Variants in DRC11 observed in about 807,000 individuals in gnomAD.
DRC11 encodes dynein regulatory complex subunit 11, also known as IQ and AAA domain-containing protein 1.
At chr2:236,410,367 T>C in the DRC11 span, among the ~76,000 whole-genome samples, 3 of 152,176 alleles carry the variant, frequency 2.0e-5, no homozygotes, top group South Asian at 2.1e-4. Flanking sequence ...AATTTATCCA[T>C]TTCAACCACT....
chr2:236,324,874 AG>A, the DRC11 span: 1 of 899,814 alleles, frequency 1.1e-6, no homozygotes, highest in Non-Finnish European at 1.8e-6. This position sits in a 1 kb window ranked among gnomAD's most constrained non-coding sequence, Gnocchi z 5.7. Flanking sequence ...CTAAGCAGGA[AG>A]GGGCAAGCAG....
the DRC11 span, among the ~76,000 whole-genome samples, chr2:236,476,071 T>G: frequency 6.6e-6 from 1 of 152,292 alleles, no homozygotes; most frequent in Admixed American, 6.5e-5. The surrounding 1 kb of genome is among the most constrained non-coding windows in gnomAD (Gnocchi z 4.7). Context: ...CTCTTGTGGT[T>G]CTATAGGAAT....
the DRC11 span, among the ~76,000 whole-genome samples, chr2:236,378,662 G>C: frequency 2.0e-5 from 3 of 147,908 alleles, no homozygotes; most frequent in Non-Finnish European, 3.0e-5. Flanking sequence ...GCGAAACAGC[G>C]AGACTCCGTC....
chr2:236,408,967 A>T, the DRC11 span: 2 of 708,504 alleles, frequency 2.8e-6, no homozygotes, highest in Non-Finnish European at 5.3e-6. The surrounding 1 kb of genome is among the most constrained non-coding windows in gnomAD (Gnocchi z 5.5). Flanking sequence ...ACCGGCTTGG[A>T]AGGGTCATCC....
At chr2:236,451,676 C>T in the DRC11 span, among the ~76,000 whole-genome samples, 2 of 152,158 alleles carry the variant, frequency 1.3e-5, no homozygotes, top group Admixed American at 6.5e-5. Context: ...AAGGACGCCA[C>T]GCTGTGGGTG....
chr2:236,311,458 T>G, the DRC11 span, among the ~76,000 whole-genome samples: 1 of 152,206 alleles, frequency 6.6e-6, no homozygotes, highest in South Asian at 2.1e-4. The surrounding 1 kb of genome is among the most constrained non-coding windows in gnomAD (Gnocchi z 6.9). Context: ...GCCTTGTCCT[T>G]CACCTTCCCT....
chr2:236,459,548 T>TATACATGTATACGTATATATGTGTATAC, the DRC11 span, among the ~76,000 whole-genome samples: 18 of 136,350 alleles, frequency 1.3e-4, no homozygotes, highest in Admixed American at 1.2e-3. Flanking sequence ...TACGTATACG[T>TATACATGTATACGTATATATGTGTATAC]ATACATGTAT....
At chr2:236,318,777 T>C in the DRC11 span, among the ~76,000 whole-genome samples, 962 of 152,268 alleles carry the variant, frequency 6.3e-3, 8 homozygotes, top group Non-Finnish European at 0.011. This position sits in a 1 kb window ranked among gnomAD's most constrained non-coding sequence, Gnocchi z 7.0. Context: ...TGCCGCCAGA[T>C]TGACCCAAGG....
the DRC11 span, among the ~76,000 whole-genome samples, chr2:236,479,170 C>CT: frequency 6.6e-6 from 1 of 152,104 alleles, no homozygotes; most frequent in African/African-American, 2.4e-5. This position sits in a 1 kb window ranked among gnomAD's most constrained non-coding sequence, Gnocchi z 4.1. Context: ...TATTCCTGTC[C>CT]TTTTTTTCCA....
the DRC11 span, among the ~76,000 whole-genome samples, chr2:236,504,581 GGAT>G: frequency 3.3e-5 from 5 of 152,164 alleles, no homozygotes; most frequent in African/African-American, 1.2e-4. The surrounding 1 kb of genome is among the most constrained non-coding windows in gnomAD (Gnocchi z 5.0). Context: ...TGGCAAACCT[GGAT>G]GATGAGACCA....
chr2:236,311,132 T>C, the DRC11 span, among the ~76,000 whole-genome samples: 4 of 152,192 alleles, frequency 2.6e-5, no homozygotes, highest in African/African-American at 9.7e-5. This position sits in a 1 kb window ranked among gnomAD's most constrained non-coding sequence, Gnocchi z 6.9. Context: ...CCCCCAGGTG[T>C]GTGCCGTGGG....
chr2:236,458,218 T>A, the DRC11 span, among the ~76,000 whole-genome samples: 2 of 152,108 alleles, frequency 1.3e-5, no homozygotes, highest in Non-Finnish European at 2.9e-5. Context: ...AACTAAAGCA[T>A]CTCCAAACCC....
At chr2:236,363,364 C>G in the DRC11 span, among the ~76,000 whole-genome samples, 1 of 152,210 alleles carries the variant, frequency 6.6e-6, no homozygotes, top group Non-Finnish European at 1.5e-5. The surrounding 1 kb of genome is among the most constrained non-coding windows in gnomAD (Gnocchi z 5.6). Context: ...TTCCATCACA[C>G]CTGTGTGAGG....
chr2:236,355,838 G>A, the DRC11 span, among the ~76,000 whole-genome samples: 2 of 152,040 alleles, frequency 1.3e-5, no homozygotes, highest in Non-Finnish European at 2.9e-5. Flanking sequence ...CTTCTTCTAT[G>A]AGCTACAGAA....
At chr2:236,343,660 C>T in the DRC11 span, 1 of 1,200,048 alleles carries the variant, frequency 8.3e-7, no homozygotes. This position sits in a 1 kb window ranked among gnomAD's most constrained non-coding sequence, Gnocchi z 6.6. Flanking sequence ...GACGTGGGAC[C>T]TGGTGGAGAA....
the DRC11 span, among the ~76,000 whole-genome samples, chr2:236,336,429 GCCACCACGGCCACC>G: frequency 1.7e-5 from 1 of 57,576 alleles, no homozygotes; most frequent in Non-Finnish European, 3.8e-5. This position sits in a 1 kb window ranked among gnomAD's most constrained non-coding sequence, Gnocchi z 7.3. Context: ...CACCACCACT[GCCACCACGGCCACC>G]ACCACTGCCA....
chr2:236,418,943 T>A, the DRC11 span, among the ~76,000 whole-genome samples: 1 of 152,222 alleles, frequency 6.6e-6, no homozygotes, highest in African/African-American at 2.4e-5. Flanking sequence ...TGATCCTAAT[T>A]GATACTTACA....
At chr2:236,377,817 T>C in the DRC11 span, among the ~76,000 whole-genome samples, 1 of 152,204 alleles carries the variant, frequency 6.6e-6, no homozygotes, top group Non-Finnish European at 1.5e-5. The surrounding 1 kb of genome is among the most constrained non-coding windows in gnomAD (Gnocchi z 4.9). Context: ...TGGTAATTTA[T>C]ACTAATTGAG....
the DRC11 span, among the ~76,000 whole-genome samples, chr2:236,361,927 C>T: frequency 2.0e-5 from 3 of 152,002 alleles, no homozygotes; most frequent in Non-Finnish European, 2.9e-5. This position sits in a 1 kb window ranked among gnomAD's most constrained non-coding sequence, Gnocchi z 5.7. Flanking sequence ...AAAAATATAC[C>T]GTATACACTC....
Sources: gnomAD v4.1 joint callset for allele counts (sites outside exome capture counted in the v4.1 genomes callset) on GRCh38, gnomAD v4.1.1 for gene constraint, Gnocchi (gnomAD v3.1) non-coding constraint, MANE v1.5 for transcripts, NCBI Gene and HGNC (gene_info 2026-07-23, HGNC 2026-07-21) for gene names.